The following PRRC2B variants were observed in gnomAD, a reference collection of about 807,000 sequenced individuals.
PRRC2B encodes the protein proline rich coiled-coil 2B, also known as protein PRRC2B.
Under a neutral mutation model 242.3 loss-of-function variants are expected in PRRC2B, and 68 were observed. The ratio of observed to expected loss-of-function variants is 0.28; its 90% CI spans 0.23 to 0.34. PRRC2B has a LOEUF of 0.34. Ranked by LOEUF, PRRC2B falls within the 10% of genes least tolerant of loss-of-function variation. The probability of loss-of-function intolerance (pLI) is 1.00; values close to 1 mark genes in which losing one functional copy is unlikely to be tolerated. For missense variants in PRRC2B, 2,835 were observed against 2,954.8 expected, an observed-to-expected ratio of 0.96 and a Z score of 0.94; for synonymous variants, 1,228 against 1,173.6, an observed-to-expected ratio of 1.05 and a Z score of -0.95.
intron 1 of PRRC2B, among the ~76,000 whole-genome samples, chr9:131,378,421 A>G (rs1301120149): frequency 6.6e-6 from 1 of 152,072 alleles, no homozygotes; most frequent in Non-Finnish European, 1.5e-5. Context: ...TGGAGGGGGA[A>G]TGACACACCA....
chr9:131,373,658 G>T (rs1836642257), exon 1 of PRRC2B: 1 of 152,262 alleles, frequency 6.6e-6, no homozygotes, highest in Admixed American at 6.5e-5. Context: ...CCCGCCTTCC[G>T]CTCTGGGCCG....
At position 131,476,260 on chromosome 9, in the gene PRRC2B, C is replaced by G. The variant is rs750632317; in HGVS notation, c.4131C>G (p.Ala1377=). Residue 1377 remains alanine, a synonymous_variant, in exon 16 of 32, where the codon GCC becomes GCG. Transcript: ENST00000683519. ...SDHANEEWET[A]SESSDFSERR... is the part of the protein sequence containing the mutation. ...ACGCCAATGAGGAGTGGGAGACGGC[C>G]TCCGAAAGCAGCGACTTCAGCGAGC... 5 of 1,611,580 alleles carry G rather than the reference C, an allele frequency of 3.1e-6. No homozygotes were observed. The highest frequency in any genetic ancestry group is 4.2e-6 in the Non-Finnish European group (5 of 1,178,962).
intron 1 of PRRC2B, among the ~76,000 whole-genome samples, chr9:131,402,459 T>G (rs946385376): frequency 2.0e-5 from 3 of 152,232 alleles, no homozygotes; most frequent in Non-Finnish European, 4.4e-5. Flanking sequence ...TATTCTCTTA[T>G]TTGCATGTAT....
intron 12 of PRRC2B, among the ~76,000 whole-genome samples, chr9:131,466,230 C>A (rs1943392223): frequency 1.3e-5 from 2 of 152,214 alleles, no homozygotes; most frequent in Admixed American, 1.3e-4. Context: ...CCAGGGAACT[C>A]ATTTCTAGTT....
At chr9:131,380,484 C>T (rs1309447014) in intron 1 of PRRC2B, among the ~76,000 whole-genome samples, 1 of 150,656 alleles carries the variant, frequency 6.6e-6, no homozygotes, top group East Asian at 2.0e-4. Context: ...GAGGCTGAGG[C>T]AGGAGAATCC....
chr9:131,493,520 G>T (rs1944251300), intron 30 of PRRC2B, among the ~76,000 whole-genome samples: 1 of 152,262 alleles, frequency 6.6e-6, no homozygotes, highest in Non-Finnish European at 1.5e-5. Flanking sequence ...AGCCTCACGG[G>T]ACAAGAGTCG....
chr9:131,375,793 C>T (rs1287005849), intron 1 of PRRC2B, among the ~76,000 whole-genome samples: 3 of 152,100 alleles, frequency 2.0e-5, no homozygotes, highest in South Asian at 2.1e-4. Context: ...CTTAGGGCAG[C>T]CTAGGTGGGC....
chr9:131,438,574 A>G (rs1191371320), intron 4 of PRRC2B, among the ~76,000 whole-genome samples: 1 of 152,170 alleles, frequency 6.6e-6, no homozygotes, highest in Non-Finnish European at 1.5e-5. Flanking sequence ...CCTCATTAGC[A>G]GCTGCGCAGT....
In PRRC2B at chr9:131,492,260, G is replaced by C; in HGVS notation, c.6473G>C (p.Arg2158Thr). 6.2e-7 allele frequency: 1 copy of C among 1,612,862 alleles called. No individual in the cohort carries two copies. Among genetic ancestry groups the C allele is most frequent in the Middle Eastern group, 1.7e-4 (1 of 6,060 alleles). ...CCCGTGCCATCGCCACAGACCTACA[G>C]GTAAAGCCACTCCCTGGGGACTGCG... ...GGPVPSPQTY[R>T]PSSASPSGKP... The change falls in exon 30 of 32, where the codon AGG (arginine) becomes ACG (threonine). Residue 2158 changes from arginine to threonine, a missense_variant and splice_region_variant. Physicochemically the swap from Arg to Thr is moderately conservative, Grantham distance 71. Transcript: ENST00000683519.
chr9:131,393,927 C>T (rs1421063664), upstream of PRRC2B, among the ~76,000 whole-genome samples: 2 of 151,156 alleles, frequency 1.3e-5, no homozygotes, highest in Admixed American at 6.6e-5. Flanking sequence ...CCAGCCCTCG[C>T]CCGGCCCCCG....
chr9:131,491,652 G>A (rs932828060), intron 29 of PRRC2B, 72 bp downstream of exon 29: 6 of 1,385,534 alleles, frequency 4.3e-6, no homozygotes, highest in Admixed American at 5.0e-5. Context: ...AGCAAGCTAA[G>A]TACCCCTGTG....
rs769091959 is a variant in PRRC2B at position 131,430,271 on chromosome 9, G to A, written c.115+12G>A. ...GATTAGATCCTCAGGTAAGGCCCAG[G>A]GTTGAAGGCCAGTTCCTCAAACTTT... On this transcript the variant is annotated intron_variant, in intron 2 of 31. Transcript: ENST00000683519. 1 of 1,502,100 alleles carries A rather than the reference G, an allele frequency of 6.7e-7. No homozygotes were observed. Among genetic ancestry groups the A allele is most frequent in the East Asian group, 2.3e-5 (1 of 42,754 alleles). 93.0% of individuals were successfully genotyped at this position (1,502,100 alleles called of 1,614,324 possible). A position where few individuals can be genotyped will look rare whatever the true frequency, so the allele number is the denominator to read the frequency against.
At chr9:131,470,753 C>T in intron 13 of PRRC2B, 35 bp from the exon 14 acceptor site, 1 of 1,588,622 alleles carries the variant, frequency 6.3e-7, no homozygotes, top group South Asian at 1.1e-5. Flanking sequence ...CCTGGCCGCA[C>T]CAGCCTGACC....
At chr9:131,435,467 T>C (rs142234803) in intron 3 of PRRC2B, among the ~76,000 whole-genome samples, 2,491 of 151,664 alleles carry the variant, frequency 0.016, 76 homozygotes, top group African/African-American at 0.058. Context: ...ATACAAAAAT[T>C]AGCCAGGCGT....
intron 10 of PRRC2B, among the ~76,000 whole-genome samples, chr9:131,458,535 CTGTT>C (rs767321822): frequency 1.3e-5 from 2 of 150,014 alleles, no homozygotes; most frequent in South Asian, 2.1e-4. Context: ...GAGTCTCTCT[CTGTT>C]TGTTGCCCAG....
intron 11 of PRRC2B, among the ~76,000 whole-genome samples, chr9:131,463,308 G>A (rs1943295834): frequency 6.6e-6 from 1 of 152,182 alleles, no homozygotes; most frequent in African/African-American, 2.4e-5. Context: ...CAGTAAATTT[G>A]TTGTATATTT....
At chr9:131,405,173 C>G (rs1025148610) in intron 1 of PRRC2B, among the ~76,000 whole-genome samples, 2 of 152,168 alleles carry the variant, frequency 1.3e-5, no homozygotes, top group African/African-American at 2.4e-5. Context: ...AGACAGCGAT[C>G]AGACACAGCA....
chr9:131,492,193 T>C lies in PRRC2B; in HGVS notation c.6406T>C (p.Phe2136Leu), dbSNP rs1243111822. 6.2e-7 allele frequency: 1 copy of C among 1,613,860 alleles called. No individual in the cohort carries two copies. The highest frequency in any genetic ancestry group is 1.1e-5 in the South Asian group (1 of 91,086). Residue 2136 changes from phenylalanine (F) to leucine (L), a missense_variant, in exon 30 of 32, where the codon TTC (phenylalanine) becomes CTC (leucine). By Grantham distance (22) the Phe-to-Leu change is conservative. Around this residue, in one of 7 missense-constraint regions of PRRC2B, gnomAD observed 574 missense variants for 626.0 expected, o/e 0.92. Coordinates refer to ENST00000683519, the MANE Select transcript of PRRC2B (RefSeq NM_013318.4). ...REPSQMEMKG[F>L]HFADSKQNVP... is the part of the protein sequence containing the mutation. The stretch of plus-strand genomic sequence containing the variant: ...GCCCTCTCAGATGGAGATGAAAGGC[T>C]TCCACTTTGCCGACAGTAAACAGAA...
rs1943905750 is a variant in PRRC2B at position 131,482,750 on chromosome 9, C to G, written c.5216C>G (p.Pro1739Arg). ...TCTGGACAGAGCAAGGAGCACAGAC[C>G]AGGACCCATCGGCAACGAGCGTTCT... ...QGSGQSKEHR[P>R]GPIGNERSLK... Residue 1739 changes from proline (P) to arginine (R), a missense_variant, in exon 22 of 32, where the codon CCA becomes CGA. This residue lies in a region of PRRC2B where 7 missense variants were observed against 23.4 expected (regional missense o/e 0.30). Coordinates refer to ENST00000683519, the MANE Select transcript of PRRC2B (RefSeq NM_013318.4). The surrounding 1 kb of genome is among the most constrained non-coding windows in gnomAD (Gnocchi z 5.2). 1 of 1,611,362 alleles carries G rather than the reference C, an allele frequency of 6.2e-7. No individual in the cohort carries two copies. The highest frequency in any genetic ancestry group is 8.5e-7 in the Non-Finnish European group (1 of 1,178,614).
Sources: allele counts gnomAD v4.1 joint callset (sites outside exome capture counted in the v4.1 genomes callset), GRCh38; gene constraint gnomAD v4.1.1; regional missense constraint gnomAD v4.1.1; non-coding constraint Gnocchi (gnomAD v3.1); transcripts MANE v1.5; gene names NCBI Gene and HGNC (gene_info 2026-07-23, HGNC 2026-07-21).